MACROD2: variants seen among roughly 807,000 people sequenced by gnomAD.
MACROD2 encodes mono-ADP ribosylhydrolase 2, also known as ADP-ribose glycohydrolase MACROD2.
In MACROD2, 36 loss-of-function variants were observed where a neutral mutation model predicts 70.4. That is an observed-to-expected ratio of 0.51 (90% CI 0.39 to 0.68). The LOEUF (loss-of-function observed/expected upper bound fraction) is 0.68. Ranked by LOEUF, MACROD2 falls within the 30% of genes least tolerant of loss-of-function variation. MACROD2 has a pLI of 0.00. For missense variants in MACROD2, 496 were observed against 538.4 expected, an observed-to-expected ratio of 0.92 and a Z score of 0.78; for synonymous variants, 172 against 178.8, an observed-to-expected ratio of 0.96 and a Z score of 0.30.
intron 3 of MACROD2, among the ~76,000 whole-genome samples, chr20:14,359,343 A>G (rs2083201190): frequency 6.6e-6 from 1 of 152,206 alleles, no homozygotes; most frequent in Non-Finnish European, 1.5e-5. Flanking sequence ...TGTGGAGCAA[A>G]GAGAACTCAT....
intron 5 of MACROD2, among the ~76,000 whole-genome samples, chr20:14,907,452 T>C (rs1326428552): frequency 6.6e-6 from 1 of 152,198 alleles, no homozygotes; most frequent in Non-Finnish European, 1.5e-5. Context: ...GGGGCTTGCC[T>C]GCACTGTGTC....
At chr20:15,196,703 T>G (rs1047668111) in intron 5 of MACROD2, among the ~76,000 whole-genome samples, 1 of 152,188 alleles carries the variant, frequency 6.6e-6, no homozygotes, top group African/African-American at 2.4e-5. Context: ...TAAATTATGT[T>G]TCATTGTTGG....
intron 3 of MACROD2, among the ~76,000 whole-genome samples, chr20:14,219,681 C>T (rs1379124656): frequency 7.2e-5 from 11 of 152,170 alleles, no homozygotes; most frequent in African/African-American, 2.2e-4. Flanking sequence ...GGTCTAGGGC[C>T]GAAGGCTGTT....
intron 8 of MACROD2, among the ~76,000 whole-genome samples, chr20:15,664,711 T>C (rs1470248252): frequency 6.6e-6 from 1 of 152,132 alleles, no homozygotes; most frequent in African/African-American, 2.4e-5. Context: ...GTTGCTCTTT[T>C]TTCATGGTGT....
chr20:15,213,012 T>C lies in MACROD2; in HGVS notation c.419-16928T>C, dbSNP rs556797866. On this transcript the variant is annotated intron_variant, in intron 5 of 17. Transcript: ENST00000684519. ...TTTGAAAACTACTGACCAAGACTTT[T>C]AAGGAGGTGCAAAAAGAAAAGGTGG... Among the ~76,000 whole-genome samples the C allele has an allele frequency of 5.1e-4, 78 of 152,260 alleles. No homozygotes were observed. In the Middle Eastern group the frequency reaches 0.01, roughly 20 times the overall value.
chr20:14,649,268 G>A (rs1985553165), intron 4 of MACROD2, among the ~76,000 whole-genome samples: 1 of 152,194 alleles, frequency 6.6e-6, no homozygotes, highest in African/African-American at 2.4e-5. Context: ...AGAGGAAAGA[G>A]TTTTAGAGAT....
intron 5 of MACROD2, among the ~76,000 whole-genome samples, chr20:15,153,287 G>C: frequency 6.6e-6 from 1 of 152,186 alleles, no homozygotes; most frequent in South Asian, 2.1e-4. Flanking sequence ...CTATTTTATA[G>C]GATTTGGGTA....
intron 5 of MACROD2, among the ~76,000 whole-genome samples, chr20:15,165,734 C>G (rs2076379381): frequency 1.3e-5 from 2 of 152,066 alleles, no homozygotes; most frequent in African/African-American, 4.8e-5. Flanking sequence ...TGTTAAGAGG[C>G]CAATATAATC....
intron 8 of MACROD2, among the ~76,000 whole-genome samples, chr20:15,733,362 A>G (rs2050973569): frequency 6.6e-6 from 1 of 151,930 alleles, no homozygotes; most frequent in African/African-American, 2.4e-5. Flanking sequence ...TTTCTACTCT[A>G]ATTTTTAGTG....
At chr20:14,877,896 T>C (rs1465677673) in intron 5 of MACROD2, among the ~76,000 whole-genome samples, 1 of 152,088 alleles carries the variant, frequency 6.6e-6, no homozygotes, top group Admixed American at 6.6e-5. Flanking sequence ...TGAGGATTTT[T>C]GTGTCTACGT....
At chr20:15,481,002 A>G (rs139483902) in intron 7 of MACROD2, among the ~76,000 whole-genome samples, 20 of 152,260 alleles carry the variant, frequency 1.3e-4, no homozygotes, top group African/African-American at 4.1e-4. Context: ...TAAAACATCT[A>G]TGGAAATCCT....
chr20:15,370,937 T>A (rs1231664094), intron 6 of MACROD2, among the ~76,000 whole-genome samples: 1 of 152,108 alleles, frequency 6.6e-6, no homozygotes, highest in Non-Finnish European at 1.5e-5. Context: ...GAAACCTGTA[T>A]GTCCATATTG....
intron 3 of MACROD2, among the ~76,000 whole-genome samples, chr20:14,439,481 TA>T (rs1420700934): frequency 6.6e-6 from 1 of 152,162 alleles, no homozygotes; most frequent in African/African-American, 2.4e-5. Flanking sequence ...AGTATTATTT[TA>T]AAATATCTAA....
chr20:15,501,415 A>G (rs1226037814), intron 8 of MACROD2, among the ~76,000 whole-genome samples: 1 of 152,214 alleles, frequency 6.6e-6, no homozygotes, highest in Non-Finnish European at 1.5e-5. Flanking sequence ...TCGAGGATGT[A>G]GTGATGAAGA....
intron 5 of MACROD2, among the ~76,000 whole-genome samples, chr20:15,115,854 T>G (rs2075987951): frequency 6.6e-6 from 1 of 152,126 alleles, no homozygotes. Flanking sequence ...AATTTTCTAG[T>G]TTCTTAGGAG....
intron 12 of MACROD2, among the ~76,000 whole-genome samples, chr20:15,944,393 AACCTC>A (rs2147348055): frequency 6.6e-6 from 1 of 152,270 alleles, no homozygotes; most frequent in South Asian, 2.1e-4. Flanking sequence ...TTTTCTAGGC[AACCTC>A]ATACATATAT....
intron 2 of MACROD2, among the ~76,000 whole-genome samples, chr20:14,024,374 C>G (rs1357217723): frequency 2.0e-5 from 3 of 152,142 alleles, no homozygotes; most frequent in Non-Finnish European, 2.9e-5. Context: ...ATTTGAATAC[C>G]CTTTATTTCT....
At chr20:14,634,102 C>G (rs139212765) in intron 4 of MACROD2, among the ~76,000 whole-genome samples, 30 of 152,292 alleles carry the variant, frequency 2.0e-4, no homozygotes, top group African/African-American at 7.0e-4. Flanking sequence ...TCCCACAACC[C>G]GCCACACCCC....
At chr20:15,215,795 AATT>A (rs2076805360) in intron 5 of MACROD2, among the ~76,000 whole-genome samples, 1 of 152,092 alleles carries the variant, frequency 6.6e-6, no homozygotes, top group Admixed American at 6.5e-5. Flanking sequence ...AGAGAATAAA[AATT>A]CTTGGAAATA....
Sources: allele counts gnomAD v4.1 joint callset (sites outside exome capture counted in the v4.1 genomes callset), GRCh38; gene constraint gnomAD v4.1.1; transcripts MANE v1.5; gene names NCBI Gene and HGNC (gene_info 2026-07-23, HGNC 2026-07-21).